Variants in SLC4A10 observed in about 807,000 individuals in gnomAD.
SLC4A10 encodes solute carrier family 4 member 10, also known as sodium-driven chloride bicarbonate exchanger.
In SLC4A10, 42 loss-of-function variants were observed where a neutral mutation model predicts 137.7. The observed-to-expected ratio is 0.30, with a 90% CI of 0.24 to 0.39. The LOEUF (loss-of-function observed/expected upper bound fraction) is 0.39, where lower values mean the gene tolerates loss of function less well. Among genes scored for constraint, SLC4A10 ranks in the 10% least tolerant of loss-of-function variants. The probability of loss-of-function intolerance (pLI) is 1.00; values close to 1 mark genes in which losing one functional copy is unlikely to be tolerated. For synonymous variants in SLC4A10, 474 were observed against 464.1 expected (o/e 1.02, Z -0.27); for missense variants, 925 against 1,355.0 (o/e 0.68, Z 4.98).
rs564862987 is a variant in SLC4A10 at position 161,906,126 on chromosome 2, C to T, written c.1997+239C>T. Among the ~76,000 whole-genome samples the T allele has an allele frequency of 5.3e-5, 8 of 152,228 alleles. No homozygotes were observed. The South Asian group carries it at 1.7e-3, about 32-fold the overall frequency. On this transcript the variant is annotated intron_variant, in intron 15 of 26. Transcript: ENST00000446997. The stretch of plus-strand genomic sequence containing the variant: ...GTATCTTTTTAAAGTTCTATTTGTC[C>T]AGTGTTCTCTAAAATAAGTAGATAA...
intron 15 of SLC4A10, among the ~76,000 whole-genome samples, chr2:161,909,812 T>G (rs1178840554): frequency 1.3e-5 from 2 of 152,242 alleles, no homozygotes; most frequent in African/African-American, 4.8e-5. Context: ...TTTTATAATC[T>G]CATACTTTTG....
intron 1 of SLC4A10, among the ~76,000 whole-genome samples, chr2:161,688,518 G>A (rs2041668257): frequency 1.3e-5 from 2 of 152,104 alleles, no homozygotes; most frequent in African/African-American, 4.8e-5. Flanking sequence ...TATTTCACGT[G>A]TTTGTTCTCT....
At chr2:161,736,049 A>C (rs1006428) in intron 1 of SLC4A10, among the ~76,000 whole-genome samples, 12,355 of 152,186 alleles carry the variant, frequency 0.081, 641 homozygotes, top group East Asian at 0.14. Flanking sequence ...ATCAAGTTTT[A>C]TGTATACATA....
At chr2:161,763,693 A>G (rs759159117) in intron 1 of SLC4A10, among the ~76,000 whole-genome samples, 2 of 152,170 alleles carry the variant, frequency 1.3e-5, no homozygotes, top group Non-Finnish European at 2.9e-5. Flanking sequence ...CTCTTCTCCC[A>G]GGGTCCAACC....
chr2:161,983,136 G>T, intron 26 of SLC4A10, 43 bp from the exon 27 acceptor site: 1 of 1,515,934 alleles, frequency 6.6e-7, no homozygotes, highest in Non-Finnish European at 8.9e-7. Context: ...TAGTAGCCAT[G>T]CTGGATTGCA....
In SLC4A10 at chr2:161,976,835, C is replaced by T. The variant is rs748992896; in HGVS notation, c.3303C>T (p.Ala1101=). 1.5e-5 allele frequency: 24 copies of T among 1,602,270 alleles called. No homozygotes were observed. Among genetic ancestry groups the T allele is most frequent in the East Asian group, 9.0e-5 (4 of 44,650 alleles). Reference sequence around the variant, plus strand: ...TGTGGAGGAACCTTCTGATTACTGCCGATAACTCAAAAGATAAGGAGTCAA... The same window carrying T: ...TGTGGAGGAACCTTCTGATTACTGCTGATAACTCAAAAGATAAGGAGTCAA... The part of the protein sequence containing the change: ...TALWRNLLIT[A]DNSKDKESSF... The change falls in exon 25 of 27, where the codon GCC becomes GCT. Residue 1101 remains alanine (A), a synonymous_variant. Transcript: ENST00000446997.
chr2:161,680,253 G>T (rs1357531604), intron 1 of SLC4A10, among the ~76,000 whole-genome samples: 1 of 152,108 alleles, frequency 6.6e-6, no homozygotes, highest in Non-Finnish European at 1.5e-5. Context: ...GGGCAAGGTT[G>T]CTGTCATTCA....
chr2:161,982,257 G>A (rs1700320087), intron 26 of SLC4A10, among the ~76,000 whole-genome samples: 1 of 152,186 alleles, frequency 6.6e-6, no homozygotes, highest in Admixed American at 6.5e-5. Flanking sequence ...AGAAGCCTCA[G>A]ATGAGGAGGG....
chr2:161,906,074 A>C (rs1324785324), intron 15 of SLC4A10, among the ~76,000 whole-genome samples, 187 bp downstream of exon 15: 3 of 152,200 alleles, frequency 2.0e-5, no homozygotes, highest in Admixed American at 6.5e-5. Context: ...TGCTACTTGC[A>C]TTCTCATTAT....
chr2:161,648,092 A>G (rs1325207568), intron 1 of SLC4A10, among the ~76,000 whole-genome samples: 1 of 152,230 alleles, frequency 6.6e-6, no homozygotes, highest in Non-Finnish European at 1.5e-5. Context: ...TTTCAAGAAA[A>G]AATTTTAAAC....
chr2:161,747,870 A>C (rs2048543147), intron 1 of SLC4A10, among the ~76,000 whole-genome samples: 1 of 152,152 alleles, frequency 6.6e-6, no homozygotes, highest in Admixed American at 6.5e-5. Context: ...GAAAAGCTCC[A>C]TACTGTTTTC....
Position 161,862,858 on chromosome 2 carries a change from G to A in SLC4A10, c.578-16G>A. ...AGGAAAGCTGTGCTTATCTTCTTCC[G>A]GCCTTTTCTCTTCAGATATGGTTCT... On this transcript the variant is annotated splice_polypyrimidine_tract_variant and intron_variant, in intron 5 of 26. Coordinates refer to ENST00000446997, the MANE Select transcript of SLC4A10 (RefSeq NM_001178015.2). 1 of 1,551,858 alleles carries A rather than the reference G, an allele frequency of 6.4e-7. No homozygotes were observed. Among genetic ancestry groups the A allele is most frequent in the South Asian group, 1.3e-5 (1 of 79,948 alleles).
chr2:161,765,321 A>G (rs1246824398), intron 1 of SLC4A10, among the ~76,000 whole-genome samples: 1 of 152,098 alleles, frequency 6.6e-6, no homozygotes, highest in African/African-American at 2.4e-5. Context: ...TGTTTATCCA[A>G]TGGGGCTGGG....
At chr2:161,698,042 C>T (rs1293561771) in intron 1 of SLC4A10, among the ~76,000 whole-genome samples, 1 of 152,090 alleles carries the variant, frequency 6.6e-6, no homozygotes, top group Non-Finnish European at 1.5e-5. Context: ...AAGTTGGATT[C>T]CTAGGTATTT....
intron 1 of SLC4A10, among the ~76,000 whole-genome samples, chr2:161,701,352 A>C (rs538939363): frequency 6.6e-6 from 1 of 152,050 alleles, no homozygotes; most frequent in Non-Finnish European, 1.5e-5. Flanking sequence ...TTTAGCTTTC[A>C]TAACTATCAC....
intron 15 of SLC4A10, among the ~76,000 whole-genome samples, chr2:161,911,233 A>G (rs1676525525): frequency 6.6e-6 from 1 of 152,046 alleles, no homozygotes; most frequent in South Asian, 2.1e-4. Context: ...GCACTCTTAA[A>G]GATTTTAGCT....
At chr2:161,789,486 A>G (rs1480847334) in intron 2 of SLC4A10, among the ~76,000 whole-genome samples, 1 of 152,042 alleles carries the variant, frequency 6.6e-6, no homozygotes, top group Non-Finnish European at 1.5e-5. Context: ...TCTTTCTACA[A>G]ACTGGCGTCT....
chr2:161,804,758 G>C (rs1376746234), intron 3 of SLC4A10, among the ~76,000 whole-genome samples, 163 bp downstream of exon 3: 1 of 152,068 alleles, frequency 6.6e-6, no homozygotes, highest in Non-Finnish European at 1.5e-5. Context: ...CTTGATCTTT[G>C]TTTTTCTCTT....
chr2:161,678,138 C>T (rs2040463495), intron 1 of SLC4A10, among the ~76,000 whole-genome samples: 1 of 152,088 alleles, frequency 6.6e-6, no homozygotes, highest in African/African-American at 2.4e-5. Context: ...TTCCTTTAGG[C>T]CCAAATGAAT....
Sources: allele counts gnomAD v4.1 joint callset (sites outside exome capture counted in the v4.1 genomes callset), GRCh38; gene constraint gnomAD v4.1.1; transcripts MANE v1.5; gene names NCBI Gene and HGNC (gene_info 2026-07-23, HGNC 2026-07-21).